LY6S: variants seen among roughly 807,000 people sequenced by gnomAD.
The protein encoded by LY6S is lymphocyte antigen 6S.
the LY6S span, among the ~76,000 whole-genome samples, chr8:143,068,737 C>T: frequency 6.7e-6 from 1 of 149,354 alleles, no homozygotes; most frequent in African/African-American, 2.5e-5. Flanking sequence ...AACAAAAGGG[C>T]ACTTGACTAA....
the LY6S span, among the ~76,000 whole-genome samples, chr8:143,046,798 G>A: frequency 2.0e-5 from 3 of 151,740 alleles, no homozygotes; most frequent in Non-Finnish European, 4.4e-5. Flanking sequence ...TCAGGAGTTC[G>A]AGATCGGCCT....
At chr8:143,051,158 G>A in the LY6S span, among the ~76,000 whole-genome samples, 2 of 152,216 alleles carry the variant, frequency 1.3e-5, no homozygotes, top group African/African-American at 4.8e-5. Context: ...AAATGCAAGG[G>A]CTGACAGGAA....
At chr8:143,047,273 G>T in the LY6S span, among the ~76,000 whole-genome samples, 1 of 151,702 alleles carries the variant, frequency 6.6e-6, no homozygotes, top group African/African-American at 2.4e-5. Flanking sequence ...CGGAGTAGCT[G>T]GGATTACAGG....
the LY6S span, among the ~76,000 whole-genome samples, chr8:143,061,576 C>T: frequency 7.2e-5 from 11 of 152,266 alleles, no homozygotes; most frequent in South Asian, 2.3e-3. Context: ...GGGAGTTTTG[C>T]TCCTGTTGCC....
At chr8:143,045,857 A>ATTT in the LY6S span, among the ~76,000 whole-genome samples, 1 of 148,110 alleles carries the variant, frequency 6.8e-6, no homozygotes, top group South Asian at 2.2e-4. This position sits in a 1 kb window ranked among gnomAD's most constrained non-coding sequence, Gnocchi z 5.3. Flanking sequence ...CAATTTACTC[A>ATTT]TTTTTTTTTT....
chr8:143,057,963 T>G, the LY6S span: 1 of 537,814 alleles, frequency 1.9e-6, no homozygotes, highest in African/African-American at 1.9e-5. Flanking sequence ...TGACCCTCCC[T>G]CCCTCTGCAT....
chr8:143,070,449 T>TATATATATTATATATATATTA, the LY6S span, among the ~76,000 whole-genome samples: 2 of 25,032 alleles, frequency 8.0e-5, no homozygotes, highest in African/African-American at 3.2e-4. Context: ...ATATATTGTA[T>TATATATATTATATATATATTA]ATATATATAT....
chr8:143,050,383 G>T, the LY6S span, among the ~76,000 whole-genome samples: 1 of 151,916 alleles, frequency 6.6e-6, no homozygotes, highest in African/African-American at 2.4e-5. Flanking sequence ...GTTTCACCAT[G>T]CTGGCCAAGG....
At chr8:143,070,241 C>T in the LY6S span, among the ~76,000 whole-genome samples, 1 of 150,932 alleles carries the variant, frequency 6.6e-6, no homozygotes, top group African/African-American at 2.4e-5. Flanking sequence ...CCGTAATCAC[C>T]TCTTTAAGGA....
chr8:143,046,939 T>C, the LY6S span, among the ~76,000 whole-genome samples: 393 of 152,022 alleles, frequency 2.6e-3, 4 homozygotes, highest in Non-Finnish European at 3.0e-3. Context: ...ATGTGGAGGT[T>C]GCAGTGAGCC....
chr8:143,076,209 T>C, the LY6S span, among the ~76,000 whole-genome samples: 5 of 152,188 alleles, frequency 3.3e-5, no homozygotes, highest in Non-Finnish European at 7.3e-5. Flanking sequence ...CAGAACACAA[T>C]TGCACACAGC....
At chr8:143,044,530 G>GCCCAC in the LY6S span, 9 of 198,442 alleles carry the variant, frequency 4.5e-5, no homozygotes, top group South Asian at 3.8e-4. Context: ...TGCCCGCCAT[G>GCCCAC]CCCACCCCAC....
chr8:143,066,433 A>G, the LY6S span: 1 of 201,606 alleles, frequency 5.0e-6, no homozygotes, highest in Non-Finnish European at 1.0e-5. Flanking sequence ...AAGTGCTGGG[A>G]TTACAGGTGT....
chr8:143,060,306 C>A, the LY6S span, among the ~76,000 whole-genome samples: 14 of 152,354 alleles, frequency 9.2e-5, no homozygotes, highest in African/African-American at 2.9e-4. Context: ...ATCAGTCAAG[C>A]CCGCCCGCAG....
the LY6S span, among the ~76,000 whole-genome samples, chr8:143,048,634 A>G: frequency 1.3e-5 from 2 of 151,588 alleles, no homozygotes; most frequent in African/African-American, 4.8e-5. Flanking sequence ...CGCCCGGCTA[A>G]TTTTTTGTAC....
At chr8:143,070,455 T>TA in the LY6S span, among the ~76,000 whole-genome samples, 1 of 47,460 alleles carries the variant, frequency 2.1e-5, no homozygotes. Context: ...TGTATATATA[T>TA]ATATATATAA....
chr8:143,044,669 AC>A, the LY6S span: 1 of 1,365,906 alleles, frequency 7.3e-7, no homozygotes, highest in Non-Finnish European at 9.8e-7. Flanking sequence ...CTGCCCTGGC[AC>A]CCCAGGGACT....
At chr8:143,042,912 G>GGGCCCA in the LY6S span, 1 of 989,556 alleles carries the variant, frequency 1.0e-6, no homozygotes, top group Non-Finnish European at 1.5e-6. Flanking sequence ...TGGAGGGCCT[G>GGGCCCA]GGCCCAGAGG....
the LY6S span, chr8:143,057,598 G>T: frequency 2.3e-6 from 3 of 1,298,124 alleles, no homozygotes; most frequent in East Asian, 4.6e-5. Context: ...CATGCTGAAT[G>T]AGAGGGTCCC....
Sources: allele counts gnomAD v4.1 joint callset (sites outside exome capture counted in the v4.1 genomes callset), GRCh38; gene constraint gnomAD v4.1.1; non-coding constraint Gnocchi (gnomAD v3.1); transcripts MANE v1.5; gene names NCBI Gene and HGNC (gene_info 2026-07-23, HGNC 2026-07-21).